Variants in KCTD2 observed in about 807,000 individuals in gnomAD.
KCTD2 encodes BTB/POZ domain-containing protein KCTD2.
In KCTD2, 18 loss-of-function variants were observed where a neutral mutation model predicts 27.9. The observed-to-expected ratio is 0.64, with a 90% CI of 0.45 to 0.96. KCTD2 has a LOEUF of 0.96. Ranked by LOEUF, KCTD2 falls within the 40% of genes least tolerant of loss-of-function variation. KCTD2 has a pLI of 0.00. For synonymous variants in KCTD2, 175 were observed against 148.4 expected (o/e 1.18, Z -1.30); for missense variants, 280 against 348.0 (o/e 0.80, Z 1.56).
intron 3 of KCTD2, chr17:75,042,000 C>CAG: frequency 1.8e-6 from 1 of 560,278 alleles, no homozygotes; most frequent in Non-Finnish European, 3.1e-6. Context: ...GCTGAATGAA[C>CAG]AGAGCCTAAA....
rs1328611161 is a variant in KCTD2, at chr17:75,049,117, ATTG to A, written c.340-98_340-96del. 8 of 664,206 alleles carry A rather than the reference ATTG, an allele frequency of 1.2e-5. No individual in the cohort carries two copies. The South Asian group carries it at 1.4e-4, about 12-fold the overall frequency. The allele number at this position is 664,206 out of a possible 1,614,324, so 41.1% of individuals were successfully genotyped here. ...AAGTCTTTTTTAGCTGATGGAATGA[ATTG>A]TTGTCTTGGGGCGCTGACAAAGATG... On this transcript the variant is annotated intron_variant, in intron 1 of 5. Transcript: ENST00000322444.
chr17:75,048,635 G>GT (rs2073253309), intron 1 of KCTD2, among the ~76,000 whole-genome samples: 1 of 152,190 alleles, frequency 6.6e-6, no homozygotes, highest in Non-Finnish European at 1.5e-5. Flanking sequence ...GTAAAGATGA[G>GT]TAGGATTAAA....
At chr17:75,050,190 C>G (rs1035431512) in intron 2 of KCTD2, among the ~76,000 whole-genome samples, 1 of 152,170 alleles carries the variant, frequency 6.6e-6, no homozygotes, top group Non-Finnish European at 1.5e-5. Context: ...TCAACAATTA[C>G]CAACTCATGG....
rs2073441507 is a variant in KCTD2 at position 75,064,886 on chromosome 17, A to G, written c.*1839A>G. ...GAAGAGGCGCTCCTTGGCCAGGTCC[A>G]ATGAGTAACATCAGACTGACAGAGG... On this transcript the variant is annotated 3_prime_UTR_variant, in exon 6 of 6. Transcript: ENST00000322444. 6.6e-6 allele frequency: 1 copy of G among 152,234 alleles called. No homozygotes were observed. The highest frequency in any genetic ancestry group is 1.5e-5 in the Non-Finnish European group (1 of 68,066). The allele number at this position is 152,234 out of a possible 1,614,324, so 9.4% of individuals were successfully genotyped here.
upstream of KCTD2, chr17:75,047,182 G>A: frequency 2.2e-6 from 1 of 458,930 alleles, no homozygotes; most frequent in Non-Finnish European, 3.2e-6. Context: ...GGCCGGCCCG[G>A]CTCTCCCTGC....
intron 3 of KCTD2, chr17:75,040,321 C>G: frequency 3.9e-6 from 3 of 778,946 alleles, no homozygotes; most frequent in Non-Finnish European, 6.6e-6. Context: ...GAAACGAATA[C>G]GCATCTCAAT....
At chr17:75,054,847 A>G (rs946273956) in intron 3 of KCTD2, among the ~76,000 whole-genome samples, 1 of 151,974 alleles carries the variant, frequency 6.6e-6, no homozygotes, top group Admixed American at 6.6e-5. Flanking sequence ...TAGCCAGGAA[A>G]ATAGACCCTC....
chr17:75,044,030 T>C (rs1260873380), upstream of KCTD2, among the ~76,000 whole-genome samples: 1 of 151,092 alleles, frequency 6.6e-6, no homozygotes, highest in Non-Finnish European at 1.5e-5. Flanking sequence ...GCACTTTTTT[T>C]TTTTTTTTTT....
rs2073233356 is a variant in KCTD2, at chr17:75,047,302, G to A, written c.52G>A (p.Gly18Arg). 3 of 1,163,706 alleles carry A rather than the reference G, an allele frequency of 2.6e-6. No homozygotes were observed. The highest frequency in any genetic ancestry group is 4.6e-5 in the Admixed American group (1 of 21,530). 72.1% of individuals were successfully genotyped at this position (1,163,706 alleles called of 1,614,324 possible). The change falls in exon 1 of 6, where the codon GGG (glycine) becomes AGG (arginine). Residue 18 changes from glycine (G) to arginine (R), a missense_variant. By Grantham distance (125) the Gly-to-Arg change is moderately radical. Transcript: ENST00000322444. Reference sequence around the variant, plus strand: ...GATGGCGGGGCTGGGAGGGGGCGGCGGGAGTGGGGTGGGCGACGGGGGTGG... The same window carrying A: ...GATGGCGGGGCTGGGAGGGGGCGGCAGGAGTGGGGTGGGCGACGGGGGTGG... ...PAMAGLGGGG[G>R]SGVGDGGGPV...
Position 75,060,513 on chromosome 17 carries a change from C to G in KCTD2, c.636+908C>G, listed in dbSNP as rs539611891. The G allele has an allele frequency of 8.1e-6, 13 of 1,612,496 alleles. No homozygotes were observed. The East Asian group carries it at 1.3e-4, about 17-fold the overall frequency. ...AACTAACCAGACAACAGCGCGACAG[C>G]CAAGACCAGCTGCTCTTGATGCCCT... On this transcript the variant is annotated intron_variant, in intron 4 of 5. Transcript: ENST00000322444.
chr17:75,046,983 G>C (rs2073227963), upstream of KCTD2: 1 of 192,952 alleles, frequency 5.2e-6, no homozygotes, highest in South Asian at 1.9e-4. Flanking sequence ...TGGGTCACGG[G>C]AAGATCTTTC....
At position 75,064,283 on chromosome 17, in the gene KCTD2, C is replaced by T. The variant is rs538633552; in HGVS notation, c.*1236C>T. On this transcript the variant is annotated 3_prime_UTR_variant, in exon 6 of 6. Coordinates refer to ENST00000322444, the MANE Select transcript of KCTD2 (RefSeq NM_015353.3). ...ACTTTCTCTCCGAGCATGTGGGTCTCGCTGAGCAGTCATGGAATGCGGTAG... is the reference window on the plus strand; with the variant it reads ...ACTTTCTCTCCGAGCATGTGGGTCTTGCTGAGCAGTCATGGAATGCGGTAG... 3 of 152,376 alleles carry T rather than the reference C, an allele frequency of 2.0e-5. No individual in the cohort carries two copies. The highest frequency in any genetic ancestry group is 6.5e-5 in the Admixed American group (1 of 15,300). The allele number at this position is 152,376 out of a possible 1,614,324, so 9.4% of individuals were successfully genotyped here.
At chr17:75,037,360 A>G (rs926384810) in intron 3 of KCTD2, among the ~76,000 whole-genome samples, 4 of 151,802 alleles carry the variant, frequency 2.6e-5, no homozygotes, top group Admixed American at 6.6e-5. Flanking sequence ...AAAAAAAAAA[A>G]AAAAGAAATG....
chr17:75,040,139 G>A (rs764248233), intron 3 of KCTD2: 2 of 1,611,684 alleles, frequency 1.2e-6, no homozygotes, highest in Non-Finnish European at 1.7e-6. Flanking sequence ...TTATCCTCTG[G>A]CACGGGAACC....
chr17:75,060,243 T>C, intron 4 of KCTD2, among the ~76,000 whole-genome samples: 1 of 152,170 alleles, frequency 6.6e-6, no homozygotes, highest in East Asian at 1.9e-4. Context: ...TTTTTTTTTT[T>C]TTGGAAAGTC....
upstream of KCTD2, chr17:75,042,508 C>A (rs557017001): frequency 5.0e-6 from 8 of 1,599,860 alleles, no homozygotes; most frequent in East Asian, 2.2e-5. Flanking sequence ...GTATGGGGTT[C>A]CCTCTCAGAA....
At chr17:75,049,196 G>A (rs2073260120) in intron 1 of KCTD2, 24 bp from the exon 2 acceptor site, 1 of 1,444,876 alleles carries the variant, frequency 6.9e-7, no homozygotes, top group Non-Finnish European at 9.7e-7. Flanking sequence ...GGTCCACAAT[G>A]ATACCCTTGT....
chr17:75,039,537 G>C, intron 3 of KCTD2: 1 of 453,434 alleles, frequency 2.2e-6, no homozygotes, highest in East Asian at 3.9e-5. Flanking sequence ...CAGAATGCCT[G>C]TTTTCACAGG....
intron 3 of KCTD2, among the ~76,000 whole-genome samples, chr17:75,037,806 T>C (rs1286663342): frequency 6.6e-6 from 1 of 152,086 alleles, no homozygotes; most frequent in African/African-American, 2.4e-5. Flanking sequence ...TCCCAGCACT[T>C]TGGGAGGCTG....
Sources: gnomAD v4.1 joint callset for allele counts (sites outside exome capture counted in the v4.1 genomes callset) on GRCh38, gnomAD v4.1.1 for gene constraint, MANE v1.5 for transcripts, NCBI Gene and HGNC (gene_info 2026-07-23, HGNC 2026-07-21) for gene names.